Variants in ANKS1B observed in about 807,000 individuals in gnomAD.
ANKS1B encodes the protein ankyrin repeat and sterile alpha motif domain-containing protein 1B.
ANKS1B carries 36 observed loss-of-function variants against 148.3 expected under a neutral mutation model. The observed-to-expected ratio is 0.24, with a 90% confidence interval of 0.19 to 0.32. The LOEUF is 0.32. ANKS1B is among the 10% of genes least tolerant of loss of function. The pLI is 1.00. For missense variants in ANKS1B, 1,157 were observed against 1,542.6 expected (o/e 0.75, Z 4.19); for synonymous variants, 542 against 560.8 (o/e 0.97, Z 0.47).
intron 1 of ANKS1B, among the ~76,000 whole-genome samples, chr12:99,834,237 G>A (rs942019074): frequency 6.6e-6 from 1 of 152,116 alleles, no homozygotes; most frequent in Non-Finnish European, 1.5e-5. Flanking sequence ...TTCATAAAAT[G>A]CAAGAGTTTC....
chr12:99,863,985 C>T (rs1179783489), intron 1 of ANKS1B, among the ~76,000 whole-genome samples: 1 of 146,538 alleles, frequency 6.8e-6, no homozygotes, highest in Admixed American at 7.1e-5. Context: ...AGGAGAATCA[C>T]TTGAACCAGG....
At chr12:99,524,701 G>A (rs1596338382) in intron 9 of ANKS1B, among the ~76,000 whole-genome samples, 1 of 152,184 alleles carries the variant, frequency 6.6e-6, no homozygotes, top group Non-Finnish European at 1.5e-5. Context: ...CACAATCATG[G>A]CAGAAGAGCA....
intron 19 of ANKS1B, among the ~76,000 whole-genome samples, chr12:98,809,823 A>G (rs1272744674): frequency 1.3e-5 from 2 of 152,182 alleles, no homozygotes; most frequent in African/African-American, 2.4e-5. Flanking sequence ...ATGGGAGGTG[A>G]GACAAGCCTC....
intron 12 of ANKS1B, among the ~76,000 whole-genome samples, chr12:99,393,599 A>G (rs934737193): frequency 1.3e-5 from 2 of 152,340 alleles, no homozygotes; most frequent in African/African-American, 4.8e-5. Context: ...AGTATTTAAG[A>G]ATATGTTGAT....
chr12:98,734,857 A>G (rs2097767049), exon 10 of ANKS1B: 1 of 246,282 alleles, frequency 4.1e-6, no homozygotes, highest in Non-Finnish European at 7.7e-6. Context: ...TAGGCAGAGT[A>G]TAAAGTATTA....
At chr12:98,825,650 T>G (rs748526296) in intron 19 of ANKS1B, among the ~76,000 whole-genome samples, 19 of 152,200 alleles carry the variant, frequency 1.2e-4, no homozygotes, top group Non-Finnish European at 2.5e-4. Context: ...CTTGCAGCAT[T>G]TGGAAACTTT....
chr12:99,516,957 G>C (rs1187192445), intron 9 of ANKS1B, among the ~76,000 whole-genome samples: 1 of 152,062 alleles, frequency 6.6e-6, no homozygotes. Context: ...GATTCCTCCA[G>C]TGTGGTTCTT....
chr12:99,506,616 C>G (rs2096714539), intron 9 of ANKS1B, among the ~76,000 whole-genome samples: 1 of 151,898 alleles, frequency 6.6e-6, no homozygotes, highest in Non-Finnish European at 1.5e-5. Context: ...GAAAGGCTAT[C>G]CCTCATCAAC....
At chr12:99,274,041 C>T (rs572438386) in intron 12 of ANKS1B, among the ~76,000 whole-genome samples, 45 of 152,164 alleles carry the variant, frequency 3.0e-4, no homozygotes, top group Non-Finnish European at 4.4e-4. Context: ...TTTTTTAGGG[C>T]GGAGGAGACT....
chr12:98,784,300 G>A (rs2098767666), intron 22 of ANKS1B, among the ~76,000 whole-genome samples: 1 of 152,202 alleles, frequency 6.6e-6, no homozygotes, highest in Admixed American at 6.5e-5. Flanking sequence ...TTCAGGGGAA[G>A]ATGAAATCCC....
At chr12:99,420,404 T>C (rs1439442590) in intron 11 of ANKS1B, among the ~76,000 whole-genome samples, 1 of 152,214 alleles carries the variant, frequency 6.6e-6, no homozygotes, top group South Asian at 2.1e-4. Flanking sequence ...TAAGTACTTC[T>C]GTGAATAAAT....
At chr12:99,914,221 A>C (rs1245491584) in intron 1 of ANKS1B, among the ~76,000 whole-genome samples, 1 of 152,198 alleles carries the variant, frequency 6.6e-6, no homozygotes, top group East Asian at 1.9e-4. Flanking sequence ...CTTCAGAATG[A>C]GATTCTGGAA....
chr12:98,987,302 T>C (rs1463189903), intron 17 of ANKS1B, among the ~76,000 whole-genome samples: 1 of 151,886 alleles, frequency 6.6e-6, no homozygotes, highest in Non-Finnish European at 1.5e-5. Flanking sequence ...AAAATTAAAA[T>C]TTTAACTTCC....
chr12:99,656,863 G>A (rs2098452134), intron 8 of ANKS1B, among the ~76,000 whole-genome samples: 1 of 152,118 alleles, frequency 6.6e-6, no homozygotes, highest in South Asian at 2.1e-4. Context: ...ACTAAAGCAA[G>A]TAAATATATT....
chr12:99,925,043 T>C (rs575677791), intron 1 of ANKS1B, among the ~76,000 whole-genome samples: 186 of 152,148 alleles, frequency 1.2e-3, no homozygotes, highest in African/African-American at 4.2e-3. Context: ...CCCCAGCACC[T>C]AGAATAAATG....
At chr12:98,898,792 A>G (rs952411841) in intron 17 of ANKS1B, among the ~76,000 whole-genome samples, 6 of 152,210 alleles carry the variant, frequency 3.9e-5, no homozygotes, top group African/African-American at 1.4e-4. Flanking sequence ...TGTTTCCTGC[A>G]AAGTGAGACA....
intron 8 of ANKS1B, among the ~76,000 whole-genome samples, chr12:99,753,683 T>C (rs2061318588): frequency 6.6e-6 from 1 of 151,950 alleles, no homozygotes. Flanking sequence ...TCTACACATA[T>C]CAATACCAGC....
intron 9 of ANKS1B, among the ~76,000 whole-genome samples, chr12:99,554,466 G>T (rs917097345): frequency 6.6e-6 from 1 of 152,160 alleles, no homozygotes; most frequent in Non-Finnish European, 1.5e-5. Flanking sequence ...AAGGTGGAAA[G>T]GAGAGTCATT....
At chr12:98,981,310 A>AG (rs1372590348) in intron 17 of ANKS1B, among the ~76,000 whole-genome samples, 8 of 150,202 alleles carry the variant, frequency 5.3e-5, no homozygotes, top group Non-Finnish European at 1.0e-4. Flanking sequence ...GCTATTGTTC[A>AG]GTTTTTTTTT....
Sources: allele counts gnomAD v4.1 joint callset (sites outside exome capture counted in the v4.1 genomes callset), GRCh38; gene constraint gnomAD v4.1.1; transcripts MANE v1.5; gene names NCBI Gene and HGNC (gene_info 2026-07-23, HGNC 2026-07-21).